SLC5A9: variants seen among roughly 807,000 people sequenced by gnomAD.
SLC5A9 encodes the protein sodium/glucose cotransporter 4.
In SLC5A9, 59 loss-of-function variants were observed where a neutral mutation model predicts 70.9. The ratio of observed to expected loss-of-function variants is 0.83; its 90% CI spans 0.68 to 1.03. The LOEUF (loss-of-function observed/expected upper bound fraction) is 1.03. SLC5A9 is among the 50% of genes least tolerant of loss of function. The pLI is 0.00. For missense variants in SLC5A9, 832 were observed against 881.1 expected (o/e 0.94, Z 0.71); for synonymous variants, 340 against 346.5 (o/e 0.98, Z 0.21).
At chr1:48,233,379 A>T (rs1432577869) in intron 8 of SLC5A9, among the ~76,000 whole-genome samples, 1 of 150,290 alleles carries the variant, frequency 6.7e-6, no homozygotes, top group Non-Finnish European at 1.5e-5. Context: ...AAAAAAAAAA[A>T]AAAAAAAGAT....
intron 12 of SLC5A9, chr1:48,242,231 AC>A (rs1458377443): frequency 1.8e-6 from 1 of 553,872 alleles, no homozygotes. Flanking sequence ...GTATTCCAGC[AC>A]CTAGCACAAG....
intron 10 of SLC5A9, 95 bp downstream of exon 10, chr1:48,235,974 G>A: frequency 2.1e-6 from 3 of 1,462,516 alleles, no homozygotes; most frequent in Non-Finnish European, 1.9e-6. Context: ...TTGGACCCTG[G>A]ACTGGCAGCC....
At chr1:48,238,899 A>G (rs1014874885) in intron 11 of SLC5A9, among the ~76,000 whole-genome samples, 31 of 152,372 alleles carry the variant, frequency 2.0e-4, no homozygotes, top group Admixed American at 1.8e-3. Flanking sequence ...CTGATTTATC[A>G]TGACAGAAGT....
At chr1:48,236,307 A>G (rs1035924908) in intron 10 of SLC5A9, among the ~76,000 whole-genome samples, 1 of 152,166 alleles carries the variant, frequency 6.6e-6, no homozygotes. Flanking sequence ...CACATCCCAC[A>G]TGCAGGGGAC....
At chr1:48,242,413 C>A (rs760614955) in intron 12 of SLC5A9, 44 bp from the exon 13 acceptor site, 7 of 1,543,254 alleles carry the variant, frequency 4.5e-6, no homozygotes, top group Non-Finnish European at 6.1e-6. Context: ...TACAGCATGA[C>A]TTCTCTCCAA....
chr1:48,247,387 TGGAACACCGG>T lies in SLC5A9; in HGVS notation c.1891_1900del (p.Gly631SerfsTer4). On this transcript the variant is annotated frameshift_variant, in exon 14 of 14. Coordinates refer to ENST00000438567, the MANE Select transcript of SLC5A9 (RefSeq NM_001011547.3). LOFTEE classifies it low-confidence loss of function (END_TRUNC). ...TCTGGAGCTGGTTCTGTGGGCTCTC[TGGAACACCGG>T]AGCAGGCCCTGAGCCCAGCAGAGAA... The T allele has an allele frequency of 1.2e-6, 2 of 1,614,154 alleles. No homozygotes were observed. The highest frequency in any genetic ancestry group is 1.7e-6 in the Non-Finnish European group (2 of 1,180,040).
At chr1:48,227,004 A>C (rs1189182116) in intron 2 of SLC5A9, among the ~76,000 whole-genome samples, 1 of 151,474 alleles carries the variant, frequency 6.6e-6, no homozygotes, top group Non-Finnish European at 1.5e-5. Flanking sequence ...TGCATGTGTG[A>C]ATGTGGGCAC....
At chr1:48,246,067 G>A (rs12119362) in intron 13 of SLC5A9, among the ~76,000 whole-genome samples, 36,746 of 151,796 alleles carry the variant, frequency 0.24, 5,360 homozygotes, top group East Asian at 0.34. Flanking sequence ...TTTTAGATAC[G>A]AATTTATTGA....
Position 48,230,720 on chromosome 1 carries a change from G to T in SLC5A9, c.610+15G>T. The T allele has an allele frequency of 6.3e-7, 1 of 1,590,766 alleles. No individual in the cohort carries two copies. The stretch of plus-strand genomic sequence containing the variant: ...CACCATTGCAGGTAGGCAGAGGGAA[G>T]AGGGCAAGAGGAAAGCTTCTGACTG... On this transcript the variant is annotated intron_variant, in intron 5 of 13. Transcript: ENST00000438567.
rs1319575285 is a variant in SLC5A9, at chr1:48,239,675, C to T, written c.1677+138C>T. 23 of 784,800 alleles carry T rather than the reference C, an allele frequency of 2.9e-5. No homozygotes were observed. The Admixed American group carries it at 5.9e-4, about 20-fold the overall frequency. 48.6% of individuals were successfully genotyped at this position (784,800 alleles called of 1,614,324 possible). On this transcript the variant is annotated intron_variant, in intron 12 of 13. Transcript: ENST00000438567. This position sits in a 1 kb window ranked among gnomAD's most constrained non-coding sequence, Gnocchi z 4.2. ...ACAGATGTCCTTGGGAGGGAAAGTG[C>T]CTTGGGCTATGAATTCCCCATTGAA...
At chr1:48,227,696 C>T (rs777183159) in intron 2 of SLC5A9, among the ~76,000 whole-genome samples, 1 of 152,094 alleles carries the variant, frequency 6.6e-6, no homozygotes, top group African/African-American at 2.4e-5. Context: ...ATGTCAGAGG[C>T]GCTAGCACCA....
intron 12 of SLC5A9, chr1:48,242,085 G>A (rs2148587089): frequency 2.2e-6 from 1 of 464,888 alleles, no homozygotes; most frequent in Non-Finnish European, 4.3e-6. Flanking sequence ...TTGCCTACAG[G>A]GTTTTTGTTC....
intron 10 of SLC5A9, among the ~76,000 whole-genome samples, chr1:48,236,395 A>G (rs1644327736): frequency 6.6e-6 from 1 of 152,170 alleles, no homozygotes; most frequent in South Asian, 2.1e-4. Context: ...GTAACACAGC[A>G]AGGTATTTGC....
chr1:48,231,109 C>T (rs1481252641), intron 5 of SLC5A9, among the ~76,000 whole-genome samples: 1 of 152,174 alleles, frequency 6.6e-6, no homozygotes, highest in Non-Finnish European at 1.5e-5. Flanking sequence ...CTCCAAATCT[C>T]CTTGCACAGG....
chr1:48,229,459 G>C lies in SLC5A9; in HGVS notation c.504G>C (p.Ser168=), dbSNP rs562350789. The C allele has an allele frequency of 1.1e-5, 17 of 1,613,830 alleles. No individual in the cohort carries two copies. The Admixed American group carries it at 1.8e-4, about 17-fold the overall frequency. Residue 168 remains serine (S), a splice_region_variant and synonymous_variant, in exon 4 of 14, where the codon TCG becomes TCC. Coordinates refer to ENST00000438567, the MANE Select transcript of SLC5A9 (RefSeq NM_001011547.3). ...TCCTCTACATCTTCACCAAGATCTC[G>C]GTAGGTGTCACTGCAATGTGGTCAC... is the stretch of plus-strand genomic sequence containing the variant. ...SLILYIFTKI[S]TDIFSGALFI...
At chr1:48,229,084 T>C in intron 3 of SLC5A9, 130 bp downstream of exon 3, 1 of 1,614,010 alleles carries the variant, frequency 6.2e-7, no homozygotes, top group East Asian at 2.2e-5. Context: ...CATTTCACAA[T>C]TGAGAATCCA....
At chr1:48,223,673 G>T (rs1182260808) in intron 1 of SLC5A9, among the ~76,000 whole-genome samples, 1 of 152,158 alleles carries the variant, frequency 6.6e-6, no homozygotes. Context: ...TCAAGTCCCA[G>T]ATGGTCACTT....
At position 48,239,643 on chromosome 1, in the gene SLC5A9, T is replaced by C. The variant is rs1181793725; in HGVS notation, c.1677+106T>C. 1 of 1,067,850 alleles carries C rather than the reference T, an allele frequency of 9.4e-7. No individual in the cohort carries two copies. Among genetic ancestry groups the C allele is most frequent in the African/African-American group, 1.6e-5 (1 of 64,140 alleles). 66.1% of individuals were successfully genotyped at this position (1,067,850 alleles called of 1,614,324 possible). On this transcript the variant is annotated intron_variant, in intron 12 of 13. Transcript: ENST00000438567. This position sits in a 1 kb window ranked among gnomAD's most constrained non-coding sequence, Gnocchi z 4.2. Reference sequence around the variant, plus strand: ...CTCTGTTGGGTTATGGTCTCCCCTGTGGCCACACAGATGTCCTTGGGAGGG... The same window carrying C: ...CTCTGTTGGGTTATGGTCTCCCCTGCGGCCACACAGATGTCCTTGGGAGGG...
chr1:48,234,942 G>A (rs923144350), intron 9 of SLC5A9, among the ~76,000 whole-genome samples: 11 of 152,130 alleles, frequency 7.2e-5, no homozygotes, highest in Admixed American at 6.5e-4. Flanking sequence ...TGGAGCACTT[G>A]AGCCTGAGGC....
Sources: allele counts gnomAD v4.1 joint callset (sites outside exome capture counted in the v4.1 genomes callset), GRCh38; gene constraint gnomAD v4.1.1; non-coding constraint Gnocchi (gnomAD v3.1); transcripts MANE v1.5; gene names NCBI Gene and HGNC (gene_info 2026-07-23, HGNC 2026-07-21).